The following METTL16 variants were observed in gnomAD, a reference collection of about 807,000 sequenced individuals.
METTL16 encodes methyltransferase 16, RNA N6-adenosine.
A neutral mutation model predicts 57.9 loss-of-function variants in METTL16; 19 were observed. The ratio of observed to expected loss-of-function variants is 0.33; its 90% CI spans 0.23 to 0.48. The LOEUF (loss-of-function observed/expected upper bound fraction) is 0.48, where lower values mean the gene tolerates loss of function less well. METTL16 is among the 20% of genes least tolerant of loss of function. The probability of loss-of-function intolerance (pLI) is 0.99; values close to 1 mark genes in which losing one functional copy is unlikely to be tolerated. For synonymous variants in METTL16, 246 were observed against 255.6 expected (o/e 0.96, Z 0.36); for missense variants, 434 against 691.5 (o/e 0.63, Z 4.18).
rs757698171 is a variant in METTL16, at chr17:2,420,577, G to A, written c.1082C>T (p.Pro361Leu). The change falls in exon 10 of 10, where the codon CCC (proline) becomes CTC (leucine). Residue 361 changes from proline (P) to leucine (L), a missense_variant. Physicochemically the swap from Pro to Leu is moderately conservative, Grantham distance 98. Transcript: ENST00000263092. The surrounding 1 kb of genome is among the most constrained non-coding windows in gnomAD (Gnocchi z 5.4). ...AAGGCTGACTTCCTCTTTTCCACAG[G>A]GAACTCGTTTATGCTGGACCTGTTT... is the stretch of plus-strand genomic sequence containing the variant. ...TDLKVQHKRV[P>L]CGKEEVSLFL... 2 of 1,611,784 alleles carry A rather than the reference G, an allele frequency of 1.2e-6. No individual in the cohort carries two copies. Among genetic ancestry groups the A allele is most frequent in the South Asian group, 1.1e-5 (1 of 90,960 alleles).
At chr17:2,446,043 A>T (rs2066993187) in intron 6 of METTL16, among the ~76,000 whole-genome samples, 1 of 152,150 alleles carries the variant, frequency 6.6e-6, no homozygotes, top group South Asian at 2.1e-4. Flanking sequence ...AAGCATTTGG[A>T]AAAAGTCAAT....
intron 2 of METTL16, among the ~76,000 whole-genome samples, chr17:2,490,266 C>T (rs181561009): frequency 0.016 from 2,507 of 152,184 alleles, 30 homozygotes; most frequent in Non-Finnish European, 0.027. Flanking sequence ...TATGTAAACT[C>T]TCTTCATACA....
At chr17:2,471,228 G>A (rs1310200405) in intron 4 of METTL16, among the ~76,000 whole-genome samples, 1 of 152,164 alleles carries the variant, frequency 6.6e-6, no homozygotes, top group African/African-American at 2.4e-5. Flanking sequence ...CTGGGGTGCA[G>A]CGTCGCAATC....
intron 6 of METTL16, among the ~76,000 whole-genome samples, chr17:2,445,024 G>A (rs184305862): frequency 3.3e-5 from 5 of 152,124 alleles, no homozygotes; most frequent in Admixed American, 3.3e-4. Context: ...CTAATTTTTT[G>A]TATTTTTAGT....
Position 2,432,553 on chromosome 17 carries a change from T to G in METTL16, c.888+5556A>C, listed in dbSNP as rs189981215. Among the ~76,000 whole-genome samples the G allele has an allele frequency of 1.7e-3, 262 of 151,652 alleles. 2 individuals carry two copies. Among genetic ancestry groups the G allele is most frequent in the South Asian group, 0.016 (79 of 4,810 alleles). On this transcript the variant is annotated intron_variant, in intron 8 of 9. Coordinates refer to ENST00000263092, the MANE Select transcript of METTL16 (RefSeq NM_024086.4). ...CAATACATTCCAGCCTTGGCAACAG[T>G]GAGACCCAGTCTCAAAATAAAAAAA...
chr17:2,457,274 G>C (rs1314051682), intron 6 of METTL16, among the ~76,000 whole-genome samples: 14 of 145,310 alleles, frequency 9.6e-5, no homozygotes, highest in Admixed American at 2.1e-4. Flanking sequence ...GGAGGCGGAG[G>C]TTGCAGTGAG....
intron 6 of METTL16, among the ~76,000 whole-genome samples, chr17:2,443,489 C>CTTT (rs370199414): frequency 4.4e-5 from 6 of 136,952 alleles, no homozygotes; most frequent in African/African-American, 1.7e-4. Flanking sequence ...CATATCATTT[C>CTTT]TTTTTTTTTT....
rs143646062 is a variant in METTL16 at position 2,435,673 on chromosome 17, TG to T, written c.888+2435del. ...TAGCAGCTTGGGGCTGGGGTAGTGGTGGGGAGGAAGGAAGACTCTGGCAGGG... is the reference window on the plus strand; with the variant it reads ...TAGCAGCTTGGGGCTGGGGTAGTGGTGGGAGGAAGGAAGACTCTGGCAGGG... On this transcript the variant is annotated intron_variant, in intron 8 of 9. Coordinates refer to ENST00000263092, the MANE Select transcript of METTL16 (RefSeq NM_024086.4). Among the ~76,000 whole-genome samples the T allele has an allele frequency of 4.8e-4, 70 of 144,650 alleles. 1 individual carries two copies. In the East Asian group the frequency reaches 0.014, roughly 29 times the overall value. 94.9% of individuals were successfully genotyped at this position (144,650 alleles called of 152,430 possible).
At chr17:2,502,947 G>A (rs1319009482) in intron 1 of METTL16, among the ~76,000 whole-genome samples, 2 of 152,114 alleles carry the variant, frequency 1.3e-5, no homozygotes, top group Non-Finnish European at 2.9e-5. Flanking sequence ...CAGAAACAAC[G>A]AGTGTTCTGC....
At chr17:2,497,123 A>G (rs1213589108) in intron 2 of METTL16, among the ~76,000 whole-genome samples, 1 of 151,144 alleles carries the variant, frequency 6.6e-6, no homozygotes, top group African/African-American at 2.5e-5. Context: ...CTCCTGCCTC[A>G]GCCTCCCGAG....
At chr17:2,450,769 G>A (rs971135357) in intron 6 of METTL16, among the ~76,000 whole-genome samples, 6 of 151,786 alleles carry the variant, frequency 4.0e-5, no homozygotes, top group Admixed American at 6.6e-5. Flanking sequence ...TCACCTAATC[G>A]CATTAAAAGG....
chr17:2,497,918 G>A lies in METTL16; in HGVS notation c.128+4286C>T, dbSNP rs186423108. Reference sequence around the variant, plus strand: ...TTTAAAAAATATACCTCTTAGGCCCGGCGCGGTGGCTCACGCCTGTAATCC... The same window carrying A: ...TTTAAAAAATATACCTCTTAGGCCCAGCGCGGTGGCTCACGCCTGTAATCC... On this transcript the variant is annotated intron_variant, in intron 2 of 9. Transcript: ENST00000263092. Among the ~76,000 whole-genome samples, 415 of 151,872 alleles carry A rather than the reference G, an allele frequency of 2.7e-3. 20 individuals are homozygous for A. The highest frequency in any genetic ancestry group is 9.1e-3 in the African/African-American group (375 of 41,146).
intron 2 of METTL16, among the ~76,000 whole-genome samples, chr17:2,497,301 C>A (rs766578512): frequency 1.4e-4 from 19 of 132,388 alleles, no homozygotes; most frequent in Non-Finnish European, 2.7e-4. Flanking sequence ...CCACTGCACC[C>A]GGCCTTTTTT....
chr17:2,430,791 T>C (rs2066868225), intron 8 of METTL16, among the ~76,000 whole-genome samples: 1 of 151,980 alleles, frequency 6.6e-6, no homozygotes, highest in Non-Finnish European at 1.5e-5. Flanking sequence ...AAACGTTAAG[T>C]CTTAAGAACT....
At chr17:2,467,987 C>T (rs539237421) in intron 4 of METTL16, 111 bp from the exon 5 acceptor site, 42 of 721,818 alleles carry the variant, frequency 5.8e-5, no homozygotes, top group African/African-American at 4.3e-4. Context: ...ATGGTGGTCC[C>T]GTAAGATTAT....
chr17:2,453,956 C>A (rs1279538686), intron 6 of METTL16, among the ~76,000 whole-genome samples: 1 of 152,126 alleles, frequency 6.6e-6, no homozygotes, highest in East Asian at 1.9e-4. Context: ...GTTTATTATT[C>A]TTTCTATATT....
intron 6 of METTL16, among the ~76,000 whole-genome samples, chr17:2,444,449 CAAAAT>C (rs2066979210): frequency 1.3e-5 from 2 of 151,958 alleles, no homozygotes; most frequent in Admixed American, 6.6e-5. Context: ...GACTCTGTCT[CAAAAT>C]AAAATAAAGT....
At chr17:2,479,583 C>T (rs1597463004) in intron 2 of METTL16, among the ~76,000 whole-genome samples, 1 of 152,128 alleles carries the variant, frequency 6.6e-6, no homozygotes, top group African/African-American at 2.4e-5. Flanking sequence ...ACAACACATC[C>T]TCAAACAGCT....
At chr17:2,475,210 C>T (rs2067261403) in intron 3 of METTL16, 2 of 152,146 alleles carry the variant, frequency 1.3e-5, no homozygotes, top group African/African-American at 2.4e-5. Context: ...TTAAGCTCTC[C>T]GACGGTCACG....
Sources: gnomAD v4.1 joint callset for allele counts (sites outside exome capture counted in the v4.1 genomes callset) on GRCh38, gnomAD v4.1.1 for gene constraint, Gnocchi (gnomAD v3.1) non-coding constraint, MANE v1.5 for transcripts, NCBI Gene and HGNC (gene_info 2026-07-23, HGNC 2026-07-21) for gene names.